The following SYNE2 variants were observed in gnomAD, a reference collection of about 807,000 sequenced individuals.
SYNE2 encodes the protein spectrin repeat containing nuclear envelope protein 2.
Under a neutral mutation model 856.3 loss-of-function variants are expected in SYNE2, and 431 were observed. The ratio of observed to expected loss-of-function variants is 0.50; its 90% confidence interval spans 0.47 to 0.55. The LOEUF (loss-of-function observed/expected upper bound fraction) is 0.55, where lower values mean the gene tolerates loss of function less well. SYNE2 is among the 20% of genes least tolerant of loss of function. The pLI, the probability that SYNE2 is intolerant of heterozygous loss-of-function variation, is 0.00. For synonymous variants in SYNE2, 2,923 were observed against 2,872.3 expected (o/e 1.02, Z -0.56); for missense variants, 8,129 against 8,023.2 (o/e 1.01, Z -0.50).
intron 1 of SYNE2, among the ~76,000 whole-genome samples, chr14:63,905,948 C>T (rs1380897136): frequency 2.0e-5 from 3 of 151,806 alleles, no homozygotes; most frequent in South Asian, 4.2e-4. Flanking sequence ...TCATAGATGG[C>T]TCTTATTATT....
At chr14:64,125,260 G>A (rs752572946) in intron 71 of SYNE2, 50 bp downstream of exon 71, 2 of 1,610,752 alleles carry the variant, frequency 1.2e-6, no homozygotes, top group Non-Finnish European at 1.7e-6. Context: ...CATAAACAAA[G>A]GAGATATCAT....
rs1409954529 is a variant in SYNE2 at position 64,025,047 on chromosome 14, T to C, written c.5960+16T>C. 1 of 1,613,966 alleles carries C rather than the reference T, an allele frequency of 6.2e-7. No homozygotes were observed. The highest frequency in any genetic ancestry group is 1.3e-5 in the African/African-American group (1 of 74,936). On this transcript the variant is annotated intron_variant, in intron 40 of 115. Coordinates refer to ENST00000555002, the MANE Select transcript of SYNE2 (RefSeq NM_182914.3). ...CTAGAAAGAGGTATAGCTGATCTTG[T>C]ATGAAATACATTACCTGAGATTATG... is the stretch of plus-strand genomic sequence containing the variant.
In SYNE2 at chr14:64,152,638, T is replaced by A; in HGVS notation, c.15714T>A (p.Ser5238Arg). 2 of 1,614,074 alleles carry A rather than the reference T, an allele frequency of 1.2e-6. No homozygotes were observed. The highest frequency in any genetic ancestry group is 1.7e-6 in the Non-Finnish European group (2 of 1,180,000). The change falls in exon 85 of 116, where the codon AGT becomes AGA. Residue 5238 changes from serine (S) to arginine (R), a missense_variant. By Grantham distance (110) the Ser-to-Arg change is moderately radical. Transcript: ENST00000555002. ...AACAAAGTTATCTGACTTTGGAGAG[T>A]GGGGCAGTGCCATTGTTAGAAGATA... ...ELKQSYLTLE[S>R]GAVPLLEDTA...
At chr14:63,826,507 G>A (rs1889436446) in intron 1 of SYNE2, among the ~76,000 whole-genome samples, 1 of 152,062 alleles carries the variant, frequency 6.6e-6, no homozygotes, top group Non-Finnish European at 1.5e-5. Context: ...TCACCATGTT[G>A]GCCGGGATGG....
Position 64,152,679 on chromosome 14 carries a change from A to G in SYNE2, c.15755A>G (p.Asp5252Gly). Reference protein sequence around the residue: ...PLLEDTASRIDELFQKRSSVL... With the variant: ...PLLEDTASRIGELFQKRSSVL... ...TTAGAAGATACAGCATCCCGAATTG[A>G]TGAGTTATTTCAAAAGAGAAGCAGT... Residue 5252 changes from aspartate to glycine, a missense_variant, in exon 85 of 116, where the codon GAT (aspartate) becomes GGT (glycine). By Grantham distance (94) the Asp-to-Gly change is moderately conservative. Coordinates refer to ENST00000555002, the MANE Select transcript of SYNE2 (RefSeq NM_182914.3). 1 of 1,614,140 alleles carries G rather than the reference A, an allele frequency of 6.2e-7. No individual in the cohort carries two copies. The highest frequency in any genetic ancestry group is 8.5e-7 in the Non-Finnish European group (1 of 1,180,000).
chr14:64,087,363 A>G (rs1019704767), intron 57 of SYNE2: 1 of 531,972 alleles, frequency 1.9e-6, no homozygotes, highest in South Asian at 1.5e-5. Flanking sequence ...TATTACATGT[A>G]TGAAAGGGCT....
At chr14:64,107,635 T>G in intron 65 of SYNE2, 28 bp downstream of exon 65, 2 of 1,557,536 alleles carry the variant, frequency 1.3e-6, no homozygotes, top group Non-Finnish European at 1.8e-6. Flanking sequence ...ATAAGTAAAC[T>G]GCTCAGATAG....
chr14:63,977,460 C>A (rs1243239247), intron 12 of SYNE2, among the ~76,000 whole-genome samples: 1 of 152,180 alleles, frequency 6.6e-6, no homozygotes, highest in Non-Finnish European at 1.5e-5. Context: ...GATCTGCCCA[C>A]CTCGGCCTCC....
At chr14:63,972,416 A>T (rs1046450991) in intron 11 of SYNE2, among the ~76,000 whole-genome samples, 2 of 152,342 alleles carry the variant, frequency 1.3e-5, no homozygotes, top group South Asian at 4.1e-4. Flanking sequence ...TTCCTCAGTC[A>T]GGTAAACTGC....
intron 38 of SYNE2, chr14:64,023,279 T>C: frequency 6.0e-6 from 1 of 166,116 alleles, no homozygotes; most frequent in Admixed American, 5.9e-5. Flanking sequence ...ATAAGTACTT[T>C]GACTTACTGA....
rs777457697 is a variant in SYNE2, at chr14:64,170,420, C to T, written c.17193C>T (p.Arg5731=). 3 of 1,613,848 alleles carry T rather than the reference C, an allele frequency of 1.9e-6. No individual in the cohort carries two copies. The highest frequency in any genetic ancestry group is 2.5e-6 in the Non-Finnish European group (3 of 1,179,980). ...HLLSAVKGQE[R]FSLYQTRSLI... ...TATCTGCAGTGAAGGGCCAGGAGCGCTTCAGCCTCTACCAAACCAGAAGTC... is the reference window on the plus strand; with the variant it reads ...TATCTGCAGTGAAGGGCCAGGAGCGTTTCAGCCTCTACCAAACCAGAAGTC... The change falls in exon 94 of 116, where the codon CGC becomes CGT. Residue 5731 remains arginine, a synonymous_variant. Coordinates refer to ENST00000555002, the MANE Select transcript of SYNE2 (RefSeq NM_182914.3).
chr14:63,971,061 T>A (rs2096468912), intron 11 of SYNE2, among the ~76,000 whole-genome samples: 1 of 152,006 alleles, frequency 6.6e-6, no homozygotes, highest in African/African-American at 2.4e-5. Flanking sequence ...TTTTAGTGGT[T>A]GCTCTAGGGA....
intron 6 of SYNE2, among the ~76,000 whole-genome samples, chr14:63,944,437 C>A (rs76927328): frequency 6.6e-6 from 1 of 150,410 alleles, no homozygotes; most frequent in African/African-American, 2.4e-5. Context: ...AAAACCTTTG[C>A]GATACAATCT....
intron 55 of SYNE2, among the ~76,000 whole-genome samples, chr14:64,080,073 G>A (rs955714866): frequency 5.9e-5 from 9 of 151,676 alleles, no homozygotes; most frequent in African/African-American, 1.9e-4. Flanking sequence ...GTGCGCGTGC[G>A]TGTGTGTGTA....
intron 66 of SYNE2, among the ~76,000 whole-genome samples, chr14:64,115,307 G>A (rs1408610576): frequency 6.6e-6 from 1 of 152,166 alleles, no homozygotes; most frequent in Non-Finnish European, 1.5e-5. Flanking sequence ...GTGAGAGACA[G>A]GGAAGCTCTT....
chr14:64,040,205 T>A (rs1382654847), intron 45 of SYNE2, among the ~76,000 whole-genome samples: 46 of 151,990 alleles, frequency 3.0e-4, no homozygotes, highest in Admixed American at 3.0e-3. Context: ...AATGAATGAA[T>A]AAATAAATAG....
intron 1 of SYNE2, among the ~76,000 whole-genome samples, chr14:63,779,325 C>CAAATAAATAAATAAAT (rs3057793): frequency 2.3e-4 from 32 of 139,252 alleles, no homozygotes; most frequent in African/African-American, 6.9e-4. Flanking sequence ...AACTCCGTCT[C>CAAATAAATAAATAAAT]AAATAAATAA....
At chr14:64,110,683 T>C (rs2097799552) in intron 65 of SYNE2, among the ~76,000 whole-genome samples, 1 of 150,456 alleles carries the variant, frequency 6.6e-6, no homozygotes, top group African/African-American at 2.5e-5. Context: ...GAAGGTATTT[T>C]ACAGGGATGC....
chr14:63,949,349 T>C (rs1388231284), intron 6 of SYNE2, among the ~76,000 whole-genome samples: 1 of 152,222 alleles, frequency 6.6e-6, no homozygotes, highest in Non-Finnish European at 1.5e-5. Context: ...TGCAATTGTT[T>C]TTCATAGATT....
Sources: gnomAD v4.1 joint callset for allele counts (sites outside exome capture counted in the v4.1 genomes callset) on GRCh38, gnomAD v4.1.1 for gene constraint, MANE v1.5 for transcripts, NCBI Gene and HGNC (gene_info 2026-07-23, HGNC 2026-07-21) for gene names.